DOCK1: variants seen among roughly 807,000 people sequenced by gnomAD.
DOCK1 encodes dedicator of cytokinesis protein 1.
DOCK1 carries 138 observed loss-of-function variants against 262.7 expected under a neutral mutation model. The ratio of observed to expected loss-of-function variants is 0.53; its 90% confidence interval spans 0.46 to 0.61. The LOEUF (loss-of-function observed/expected upper bound fraction) is 0.61. Among genes scored for constraint, DOCK1 ranks in the 20% least tolerant of loss-of-function variants. The pLI is 0.00. For missense variants in DOCK1, 1,908 were observed against 2,370.7 expected, an observed-to-expected ratio of 0.80 and a Z score of 4.05; for synonymous variants, 866 against 867.4, an observed-to-expected ratio of 1.00 and a Z score of 0.03.
In DOCK1 at chr10:127,336,567, T is replaced by TCAGACTCTGA. The variant is rs2063202315; in HGVS notation, c.3045-2438_3045-2437insAGACTCTGAC. ...TTTTTTTTTTTTAATTTGAGACAAG[T>TCAGACTCTGA]CTCACTCTGTCACCCAGGCTGGAGT... On this transcript the variant is annotated intron_variant, in intron 29 of 51. Transcript: ENST00000623213. 3.3e-5 allele frequency among the ~76,000 whole-genome samples: 5 copies of TCAGACTCTGA among 151,300 alleles called. No homozygotes were observed. In the South Asian group the frequency reaches 1.1e-3, roughly 32 times the overall value.
intron 31 of DOCK1, 133 bp from the exon 32 acceptor site, chr10:127,354,536 G>T: frequency 1.0e-6 from 1 of 955,196 alleles, no homozygotes; most frequent in South Asian, 1.7e-5. Flanking sequence ...GGTGGCAAGA[G>T]AAGTTGAAGC....
At chr10:127,322,986 G>A (rs2062600981) in intron 29 of DOCK1, among the ~76,000 whole-genome samples, 1 of 152,302 alleles carries the variant, frequency 6.6e-6, no homozygotes, top group Admixed American at 6.5e-5. Context: ...TAGAAAGCAT[G>A]CTGTAGAGGA....
At chr10:126,964,828 A>G (rs993707774) in intron 1 of DOCK1, among the ~76,000 whole-genome samples, 6 of 152,270 alleles carry the variant, frequency 3.9e-5, no homozygotes, top group Non-Finnish European at 2.9e-5. Context: ...CAAAGCTAAT[A>G]TTGTGTTTCT....
chr10:127,275,879 A>G (rs1005215405), intron 29 of DOCK1, among the ~76,000 whole-genome samples: 2 of 152,216 alleles, frequency 1.3e-5, no homozygotes, highest in African/African-American at 2.4e-5. Context: ...TATGATCTCT[A>G]TATCTCTGTG....
At chr10:127,378,585 A>C (rs2065652621) in intron 35 of DOCK1, among the ~76,000 whole-genome samples, 1 of 152,226 alleles carries the variant, frequency 6.6e-6, no homozygotes, top group South Asian at 2.1e-4. Flanking sequence ...GCACAGGCAG[A>C]AAATAGAAGA....
chr10:127,183,054 TC>T (rs1193191203), intron 27 of DOCK1, among the ~76,000 whole-genome samples: 2 of 144,546 alleles, frequency 1.4e-5, no homozygotes, highest in Non-Finnish European at 3.0e-5. Context: ...TGCTTTGCCT[TC>T]CTGATTATGG....
intron 23 of DOCK1, among the ~76,000 whole-genome samples, chr10:127,081,736 G>A (rs1009822213): frequency 4.6e-5 from 7 of 152,060 alleles, no homozygotes; most frequent in East Asian, 1.9e-4. Flanking sequence ...CTGTCTTGCC[G>A]TGGACAAATA....
intron 46 of DOCK1, among the ~76,000 whole-genome samples, chr10:127,423,758 A>G (rs1211544987): frequency 6.6e-6 from 1 of 152,126 alleles, no homozygotes. Flanking sequence ...AGGCTTCCAG[A>G]TGTTCTGTGC....
At chr10:127,312,935 C>G (rs1260974125) in intron 29 of DOCK1, among the ~76,000 whole-genome samples, 2 of 152,120 alleles carry the variant, frequency 1.3e-5, no homozygotes, top group Non-Finnish European at 2.9e-5. Context: ...GGAAACCTTT[C>G]AAGGATTGCC....
intron 29 of DOCK1, among the ~76,000 whole-genome samples, chr10:127,294,853 G>T (rs2061454976): frequency 6.6e-6 from 1 of 151,874 alleles, no homozygotes. Context: ...CATTGGCCAG[G>T]CTGGTTTCGA....
At chr10:126,999,307 C>A in intron 8 of DOCK1, 47 bp from the exon 9 acceptor site, 1 of 1,468,140 alleles carries the variant, frequency 6.8e-7, no homozygotes, top group East Asian at 2.3e-5. Context: ...CATTTGGTAC[C>A]CTGTTATTTG....
chr10:126,951,714 A>G (rs1190198763), intron 1 of DOCK1, among the ~76,000 whole-genome samples: 3 of 152,004 alleles, frequency 2.0e-5, no homozygotes, highest in African/African-American at 4.8e-5. Flanking sequence ...AGGCAGAAGA[A>G]TAGAGCCTGG....
intron 31 of DOCK1, among the ~76,000 whole-genome samples, chr10:127,344,013 C>T (rs2063531445): frequency 6.6e-6 from 1 of 152,144 alleles, no homozygotes; most frequent in African/African-American, 2.4e-5. Flanking sequence ...GAGATAATTC[C>T]TTTTGCTATG....
At chr10:127,156,197 A>G (rs2053028503) in intron 27 of DOCK1, among the ~76,000 whole-genome samples, 2 of 152,146 alleles carry the variant, frequency 1.3e-5, no homozygotes, top group Non-Finnish European at 2.9e-5. Flanking sequence ...CCAGTGTCCA[A>G]GTTTCCCAGT....
At chr10:126,964,740 T>C (rs905327123) in intron 1 of DOCK1, among the ~76,000 whole-genome samples, 59 of 152,196 alleles carry the variant, frequency 3.9e-4, no homozygotes, top group Non-Finnish European at 6.9e-4. Context: ...CCTTTGATGC[T>C]TTGGGGAGGC....
At chr10:127,331,284 T>TG (rs1435096575) in intron 29 of DOCK1, among the ~76,000 whole-genome samples, 201 of 152,216 alleles carry the variant, frequency 1.3e-3, no homozygotes, top group Non-Finnish European at 1.1e-3. Flanking sequence ...TTTTTGTTTT[T>TG]TTTTGTTGTT....
At chr10:127,385,007 A>G in intron 38 of DOCK1, 98 bp downstream of exon 38, 2 of 1,357,828 alleles carry the variant, frequency 1.5e-6, no homozygotes, top group Non-Finnish European at 1.9e-6. Flanking sequence ...TTGCAGAACC[A>G]GAAATTTGTT....
intron 35 of DOCK1, 66 bp downstream of exon 35, chr10:127,374,280 C>T (rs1401255306): frequency 5.3e-6 from 8 of 1,514,340 alleles, no homozygotes; most frequent in Non-Finnish European, 6.2e-6. Flanking sequence ...GCGGGGATTG[C>T]CCCAGCCCTT....
intron 49 of DOCK1, among the ~76,000 whole-genome samples, chr10:127,443,292 G>C (rs1289937036): frequency 7.6e-6 from 1 of 130,978 alleles, no homozygotes; most frequent in African/African-American, 2.7e-5. Flanking sequence ...CTTCTTAGAG[G>C]AAAGAATTCA....
Sources: gnomAD v4.1 joint callset for allele counts (sites outside exome capture counted in the v4.1 genomes callset) on GRCh38, gnomAD v4.1.1 for gene constraint, MANE v1.5 for transcripts, NCBI Gene and HGNC (gene_info 2026-07-23, HGNC 2026-07-21) for gene names.